PRKCB: variants seen among roughly 807,000 people sequenced by gnomAD.
The protein encoded by PRKCB is protein kinase C beta.
PRKCB carries 13 observed loss-of-function variants against 81.5 expected under a neutral mutation model. The observed-to-expected ratio is 0.16, with a 90% CI of 0.10 to 0.25. The LOEUF (loss-of-function observed/expected upper bound fraction) is 0.25. Among genes scored for constraint, PRKCB ranks in the 10% least tolerant of loss-of-function variants. The probability of loss-of-function intolerance (pLI) is 1.00; values close to 1 mark genes in which losing one functional copy is unlikely to be tolerated. For synonymous variants in PRKCB, 335 were observed against 321.4 expected (o/e 1.04, Z -0.45); for missense variants, 509 against 875.7 (o/e 0.58, Z 5.29).
At chr16:24,157,587 A>ACCGAG in intron 10 of PRKCB, among the ~76,000 whole-genome samples, 1 of 150,892 alleles carries the variant, frequency 6.6e-6, no homozygotes, top group South Asian at 2.1e-4. Context: ...TTTATAAATT[A>ACCGAG]TCCCATCTCA....
intron 2 of PRKCB, among the ~76,000 whole-genome samples, chr16:23,889,401 G>A (rs912312090): frequency 3.9e-5 from 6 of 152,242 alleles, no homozygotes; most frequent in Admixed American, 3.9e-4. Flanking sequence ...TGTGTAAGGT[G>A]CTTTCAGTAG....
chr16:24,214,327 G>A (rs555260448), intron 16 of PRKCB, among the ~76,000 whole-genome samples: 61 of 152,130 alleles, frequency 4.0e-4, no homozygotes, highest in African/African-American at 1.4e-3. Context: ...CTGACTTCTC[G>A]GGGTGGGTTG....
intron 3 of PRKCB, among the ~76,000 whole-genome samples, chr16:24,005,581 G>A (rs549733932): frequency 5.3e-5 from 8 of 152,168 alleles, no homozygotes; most frequent in Admixed American, 3.3e-4. Context: ...TCCTCCATCC[G>A]CTGGGAGTCA....
At chr16:23,973,833 G>A (rs575696656) in intron 2 of PRKCB, among the ~76,000 whole-genome samples, 29 of 152,074 alleles carry the variant, frequency 1.9e-4, no homozygotes, top group Admixed American at 5.2e-4. Flanking sequence ...ACCTTGCCCC[G>A]CTACTGTTTT....
At chr16:24,159,505 G>C (rs911900923) in intron 10 of PRKCB, among the ~76,000 whole-genome samples, 1 of 143,370 alleles carries the variant, frequency 7.0e-6, no homozygotes, top group Non-Finnish European at 1.5e-5. Context: ...CTATTGGAAA[G>C]GTACTATTAC....
At chr16:24,203,747 C>A (rs909415863) in intron 16 of PRKCB, among the ~76,000 whole-genome samples, 4 of 152,178 alleles carry the variant, frequency 2.6e-5, no homozygotes, top group African/African-American at 9.7e-5. Context: ...AATGCCCCCC[C>A]AAATGGCATA....
intron 7 of PRKCB, among the ~76,000 whole-genome samples, chr16:24,096,652 CAAAA>C (rs1219127854): frequency 1.9e-3 from 80 of 41,758 alleles, no homozygotes; most frequent in East Asian, 0.012. Flanking sequence ...CTTCCTATGG[CAAAA>C]AAAAAAAAAA....
At chr16:24,189,702 C>T (rs1000993874) in intron 15 of PRKCB, among the ~76,000 whole-genome samples, 1 of 151,924 alleles carries the variant, frequency 6.6e-6, no homozygotes, top group Admixed American at 6.6e-5. Flanking sequence ...AGTTAATTTC[C>T]CCACCCTGGA....
At chr16:23,902,780 T>TCCTTCCTTCCCCCCTC (rs1567307987) in intron 2 of PRKCB, among the ~76,000 whole-genome samples, 1 of 27,364 alleles carries the variant, frequency 3.7e-5, no homozygotes, top group Non-Finnish European at 6.2e-5. Context: ...CTTCCTTCCT[T>TCCTTCCTTCCCCCCTC]CCTCCCTCCC....
At chr16:24,103,997 G>GT (rs1426075089) in intron 7 of PRKCB, among the ~76,000 whole-genome samples, 1 of 152,080 alleles carries the variant, frequency 6.6e-6, no homozygotes, top group Non-Finnish European at 1.5e-5. Flanking sequence ...TAGAGATGGG[G>GT]TTTCTCCATG....
At chr16:24,109,371 G>T (rs1966639675) in intron 7 of PRKCB, among the ~76,000 whole-genome samples, 1 of 116,452 alleles carries the variant, frequency 8.6e-6, no homozygotes, top group African/African-American at 3.9e-5. Flanking sequence ...CTAGGCGGAG[G>T]GGCTCCTCAC....
At chr16:24,117,137 C>T (rs933793428) in intron 8 of PRKCB, among the ~76,000 whole-genome samples, 1 of 148,660 alleles carries the variant, frequency 6.7e-6, no homozygotes, top group Non-Finnish European at 1.5e-5. Flanking sequence ...TTTCAGTTGA[C>T]CTTGAACATG....
At chr16:24,202,838 C>T (rs1307242632) in intron 16 of PRKCB, among the ~76,000 whole-genome samples, 2 of 152,156 alleles carry the variant, frequency 1.3e-5, no homozygotes, top group East Asian at 1.9e-4. Flanking sequence ...GTTCAGAGTG[C>T]CTTCTTTCTT....
chr16:24,027,713 T>C (rs1965499847), intron 3 of PRKCB, among the ~76,000 whole-genome samples: 1 of 152,198 alleles, frequency 6.6e-6, no homozygotes, highest in African/African-American at 2.4e-5. Context: ...AAGTCTGCAG[T>C]GGCTGAGGAT....
Position 24,220,175 on chromosome 16 carries a change from A to G in PRKCB, c.*5359A>G, listed in dbSNP as rs893056125. On this transcript the variant is annotated 3_prime_UTR_variant, in exon 17 of 17. Coordinates refer to ENST00000643927, the MANE Select transcript of PRKCB (RefSeq NM_002738.7). The stretch of plus-strand genomic sequence containing the variant: ...GACTTCAAGCCAAGCGTATGTATCA[A>G]TTCTAGTCTTCCAGGATTCACGGTG... The G allele has an allele frequency of 1.7e-5, 27 of 1,584,190 alleles. No individual in the cohort carries two copies. The highest frequency in any genetic ancestry group is 4.0e-5 in the African/African-American group (3 of 74,218).
At chr16:24,096,664 AAAAT>A (rs1398734461) in intron 7 of PRKCB, among the ~76,000 whole-genome samples, 9 of 85,402 alleles carry the variant, frequency 1.1e-4, no homozygotes, top group Admixed American at 2.4e-4. Flanking sequence ...AAAAAAAAAA[AAAAT>A]ATATATATAT....
At chr16:24,065,406 C>T (rs899489735) in intron 5 of PRKCB, among the ~76,000 whole-genome samples, 2 of 151,856 alleles carry the variant, frequency 1.3e-5, no homozygotes, top group African/African-American at 4.8e-5. Flanking sequence ...TTGCAATATG[C>T]ATCTTTGGAT....
chr16:24,005,825 G>GT (rs1164617980), intron 3 of PRKCB, among the ~76,000 whole-genome samples: 1 of 152,146 alleles, frequency 6.6e-6, no homozygotes, highest in Non-Finnish European at 1.5e-5. Flanking sequence ...GTAAAGCAAC[G>GT]TAACAGTCAA....
Position 23,920,350 on chromosome 16 carries a change from T to G in PRKCB, c.206-68158T>G, listed in dbSNP as rs547800750. Among the ~76,000 whole-genome samples, 7 of 152,348 alleles carry G rather than the reference T, an allele frequency of 4.6e-5. No individual in the cohort carries two copies. The South Asian group carries it at 1.4e-3, about 32-fold the overall frequency. On this transcript the variant is annotated intron_variant, in intron 2 of 16. Coordinates refer to ENST00000643927, the MANE Select transcript of PRKCB (RefSeq NM_002738.7). ...ATGATTTTGCATTATCACATCTGTA[T>G]TGATTCAAGCAAGCCAACTAGAATA...
Sources: gnomAD v4.1 joint callset for allele counts (sites outside exome capture counted in the v4.1 genomes callset) on GRCh38, gnomAD v4.1.1 for gene constraint, MANE v1.5 for transcripts, NCBI Gene and HGNC (gene_info 2026-07-23, HGNC 2026-07-21) for gene names.